The following JMJD1C variants were observed in gnomAD, a reference collection of about 807,000 sequenced individuals.
JMJD1C encodes jumonji domain containing 1C.
JMJD1C carries 31 observed loss-of-function variants against 245.3 expected under a neutral mutation model. The ratio of observed to expected loss-of-function variants is 0.13; its 90% CI spans 0.09 to 0.17. The LOEUF (loss-of-function observed/expected upper bound fraction) is 0.17, where lower values mean the gene tolerates loss of function less well. Ranked by LOEUF, JMJD1C falls within the 10% of genes least tolerant of loss-of-function variation. The pLI is 1.00. For missense variants in JMJD1C, 2,691 were observed against 3,000.2 expected, an observed-to-expected ratio of 0.90 and a Z score of 2.41; for synonymous variants, 1,057 against 1,017.4, an observed-to-expected ratio of 1.04 and a Z score of -0.74.
chr10:63,401,593 T>C (rs1232331961), intron 1 of JMJD1C, among the ~76,000 whole-genome samples: 1 of 152,174 alleles, frequency 6.6e-6, no homozygotes, highest in Non-Finnish European at 1.5e-5. Flanking sequence ...GTATTTAGGA[T>C]TGTTTCATGG....
chr10:63,370,297 C>G (rs1021855432), intron 2 of JMJD1C, among the ~76,000 whole-genome samples: 1 of 152,202 alleles, frequency 6.6e-6, no homozygotes, highest in African/African-American at 2.4e-5. Flanking sequence ...AAACTTGAAA[C>G]TAGTGCCAGA....
intron 1 of JMJD1C, among the ~76,000 whole-genome samples, chr10:63,403,682 T>C (rs934355010): frequency 6.6e-6 from 1 of 152,218 alleles, no homozygotes; most frequent in African/African-American, 2.4e-5. Flanking sequence ...CTCACACCTG[T>C]AATCCCACCA....
chr10:63,192,995 A>G lies in JMJD1C; in HGVS notation c.6019T>C (p.Ser2007Pro). Reference sequence around the variant, plus strand: ...AGATCTGCTAACCAGTGCAGTGGTGACTGGGATTCTGGAGGAGTTAACTTG... The same window carrying G: ...AGATCTGCTAACCAGTGCAGTGGTGGCTGGGATTCTGGAGGAGTTAACTTG... Reference protein sequence around the residue: ...DNKLTPPESQSPLHWLADLAE... With the variant: ...DNKLTPPESQPPLHWLADLAE... Residue 2007 changes from serine (S) to proline (P), a missense_variant, in exon 16 of 26, where the codon TCA (serine) becomes CCA (proline). This residue lies in a region of JMJD1C where 275 missense variants were observed against 285.5 expected (regional missense o/e 0.96). Coordinates refer to ENST00000399262, the MANE Select transcript of JMJD1C (RefSeq NM_032776.3). 6.2e-7 allele frequency: 1 copy of G among 1,613,968 alleles called. No homozygotes were observed. Among genetic ancestry groups the G allele is most frequent in the South Asian group, 1.1e-5 (1 of 91,072 alleles).
At chr10:63,438,929 T>A (rs1951208051) in intron 1 of JMJD1C, among the ~76,000 whole-genome samples, 2 of 151,940 alleles carry the variant, frequency 1.3e-5, no homozygotes, top group Admixed American at 1.3e-4. Flanking sequence ...TACTCATTTA[T>A]CTTCTTATCT....
At chr10:63,232,092 C>A (rs1850090664) in intron 3 of JMJD1C, among the ~76,000 whole-genome samples, 1 of 152,194 alleles carries the variant, frequency 6.6e-6, no homozygotes. Context: ...CCTGCCTCGG[C>A]CTCCCAAAGT....
intron 2 of JMJD1C, among the ~76,000 whole-genome samples, chr10:63,338,563 G>A (rs932439313): frequency 1.3e-5 from 2 of 151,816 alleles, no homozygotes; most frequent in African/African-American, 4.8e-5. Flanking sequence ...GGAAGCTTAA[G>A]GGCTGACTAC....
chr10:63,238,430 A>C (rs1851048722), intron 3 of JMJD1C, among the ~76,000 whole-genome samples: 1 of 152,142 alleles, frequency 6.6e-6, no homozygotes, highest in South Asian at 2.1e-4. Context: ...TTTATCTTTA[A>C]AAAAGGAGTT....
At position 63,518,623 on chromosome 10, in the gene JMJD1C, A is replaced by C. The variant is rs545597130; in HGVS notation, n.113+3115T>G. On this transcript the variant is annotated intron_variant and non_coding_transcript_variant, in intron 1 of 3. Transcript: ENST00000633035. Reference sequence around the variant, plus strand: ...GTGGAAACAGACTCAGTTAAAATTCAGTCTCAGTTAAAATCATGATGCAAG... The same window carrying C: ...GTGGAAACAGACTCAGTTAAAATTCCGTCTCAGTTAAAATCATGATGCAAG... Among the ~76,000 whole-genome samples, 24 of 152,334 alleles carry C rather than the reference A, an allele frequency of 1.6e-4. No individual in the cohort carries two copies. The South Asian group carries it at 4.8e-3, about 30-fold the overall frequency.
intron 11 of JMJD1C, among the ~76,000 whole-genome samples, chr10:63,199,024 A>G (rs1275507584): frequency 6.6e-6 from 1 of 152,192 alleles, no homozygotes; most frequent in Non-Finnish European, 1.5e-5. Flanking sequence ...GAATGACAAG[A>G]GTAAAAATGT....
At chr10:63,483,100 G>A (rs987473378) in intron 1 of JMJD1C, among the ~76,000 whole-genome samples, 7 of 152,080 alleles carry the variant, frequency 4.6e-5, no homozygotes, top group Non-Finnish European at 1.0e-4. Flanking sequence ...GTAACTATAT[G>A]TCAATCAAAA....
intron 2 of JMJD1C, among the ~76,000 whole-genome samples, chr10:63,304,463 A>T (rs1256978084): frequency 6.6e-6 from 1 of 152,204 alleles, no homozygotes. Context: ...TCCCTGTTAA[A>T]ATTCAAAATG....
At chr10:63,261,677 T>C (rs1458548685) in intron 3 of JMJD1C, among the ~76,000 whole-genome samples, 1 of 152,186 alleles carries the variant, frequency 6.6e-6, no homozygotes, top group Non-Finnish European at 1.5e-5. Context: ...TTCAAACCAA[T>C]GACTTAAAAG....
intron 2 of JMJD1C, among the ~76,000 whole-genome samples, chr10:63,289,603 T>C (rs146297917): frequency 5.8e-4 from 88 of 152,308 alleles, no homozygotes; most frequent in African/African-American, 1.7e-3. Context: ...TTGCATGTAG[T>C]TTAAATTTAT....
chr10:63,496,448 C>T (rs1954370389), intron 1 of JMJD1C, among the ~76,000 whole-genome samples: 1 of 152,180 alleles, frequency 6.6e-6, no homozygotes, highest in South Asian at 2.1e-4. Flanking sequence ...CAATAACACA[C>T]ATAATATGAT....
intron 8 of JMJD1C, among the ~76,000 whole-genome samples, chr10:63,212,616 G>T (rs1460596144): frequency 6.6e-6 from 1 of 151,886 alleles, no homozygotes; most frequent in Non-Finnish European, 1.5e-5. Context: ...TCAAATACTG[G>T]GAATCTGTAA....
At chr10:63,394,781 T>C (rs1458594484) in intron 1 of JMJD1C, among the ~76,000 whole-genome samples, 1 of 151,090 alleles carries the variant, frequency 6.6e-6, no homozygotes, top group Non-Finnish European at 1.5e-5. Flanking sequence ...GAGGTGGAGG[T>C]TGCAGTGAGC....
At chr10:63,326,220 C>T (rs183213305) in intron 2 of JMJD1C, among the ~76,000 whole-genome samples, 120 of 151,994 alleles carry the variant, frequency 7.9e-4, no homozygotes, top group African/African-American at 2.7e-3. Context: ...AATGGCCAGA[C>T]GCGGTGGCTC....
chr10:63,202,173 G>T, intron 10 of JMJD1C: 1 of 368,720 alleles, frequency 2.7e-6, no homozygotes, highest in Non-Finnish European at 3.8e-6. Context: ...AGAACTGCTT[G>T]ATCCCAGGGG....
chr10:63,368,480 CTGAG>C (rs1946036159), intron 2 of JMJD1C, among the ~76,000 whole-genome samples: 2 of 152,258 alleles, frequency 1.3e-5, no homozygotes, highest in Middle Eastern at 3.4e-3. Flanking sequence ...TCAGAAATAA[CTGAG>C]TAAGGGCCCA....
Sources: allele counts gnomAD v4.1 joint callset (sites outside exome capture counted in the v4.1 genomes callset), GRCh38; gene constraint gnomAD v4.1.1; regional missense constraint gnomAD v4.1.1; transcripts MANE v1.5; gene names NCBI Gene and HGNC (gene_info 2026-07-23, HGNC 2026-07-21).